The following NOTCH2 variants were observed in gnomAD, a reference collection of about 807,000 sequenced individuals.
The protein encoded by NOTCH2 is notch receptor 2.
A neutral mutation model predicts 235.8 loss-of-function variants in NOTCH2; 29 were observed. The observed-to-expected ratio is 0.12, with a 90% confidence interval of 0.09 to 0.17. The LOEUF (loss-of-function observed/expected upper bound fraction) is 0.17. Ranked by LOEUF, NOTCH2 falls within the 10% of genes least tolerant of loss-of-function variation. The pLI is 1.00. For missense variants in NOTCH2, 2,285 were observed against 3,150.2 expected (o/e 0.73, Z 6.57); for synonymous variants, 1,086 against 1,141.5 (o/e 0.95, Z 0.98).
At chr1:119,937,781 A>T in intron 20 of NOTCH2, 76 bp downstream of exon 20, 2 of 1,569,008 alleles carry the variant, frequency 1.3e-6, no homozygotes, top group Middle Eastern at 2.0e-4. Context: ...TCCACAAAAA[A>T]ATGATACCTT....
At chr1:119,928,185 C>A (rs186704054) in intron 23 of NOTCH2, among the ~76,000 whole-genome samples, 3 of 152,262 alleles carry the variant, frequency 2.0e-5, no homozygotes, top group East Asian at 1.9e-4. Flanking sequence ...TGTGATAAGA[C>A]CCCTATTCTG....
At chr1:119,958,766 G>A (rs191138424) in intron 12 of NOTCH2, among the ~76,000 whole-genome samples, 8 of 151,572 alleles carry the variant, frequency 5.3e-5, no homozygotes, top group African/African-American at 1.9e-4. Flanking sequence ...GCATGTACAC[G>A]CACATGTGTG....
At chr1:119,935,356 T>C (rs1314853195) in intron 22 of NOTCH2, 116 bp downstream of exon 22, 1 of 1,608,266 alleles carries the variant, frequency 6.2e-7, no homozygotes, top group Non-Finnish European at 8.5e-7. Flanking sequence ...AACTAAATGC[T>C]TGGAATGAAG....
chr1:119,959,936 G>A (rs1175025402), intron 11 of NOTCH2, among the ~76,000 whole-genome samples: 5 of 152,116 alleles, frequency 3.3e-5, no homozygotes, highest in East Asian at 1.9e-4. Flanking sequence ...AATAAATCTC[G>A]AACCTTGAGT....
intron 4 of NOTCH2, among the ~76,000 whole-genome samples, chr1:119,988,087 C>CTCT (rs1553202448): frequency 6.6e-6 from 1 of 152,142 alleles, no homozygotes; most frequent in African/African-American, 2.4e-5. Context: ...TAAGGTTCCT[C>CTCT]TCTCTCACTC....
chr1:120,006,380 C>T (rs1182374380), intron 2 of NOTCH2, among the ~76,000 whole-genome samples: 2 of 151,452 alleles, frequency 1.3e-5, no homozygotes, highest in Non-Finnish European at 1.5e-5. Context: ...GAATAACATT[C>T]TATGATATTT....
In NOTCH2 at chr1:120,069,652, C is replaced by G. The variant is rs1203925853; in HGVS notation, c.-246G>C. The G allele has an allele frequency of 7.3e-7, 1 of 1,364,488 alleles. No homozygotes were observed. Among genetic ancestry groups the G allele is most frequent in the Non-Finnish European group, 9.5e-7 (1 of 1,057,314 alleles). The allele number at this position is 1,364,488 out of a possible 1,614,324, so 84.5% of individuals were successfully genotyped here. ...GGCTGAAACTTTCTCGGGTGTGCAA[C>G]GAAGCAGCCTCGTGTGTCCTTCCGC... is the stretch of plus-strand genomic sequence containing the variant. On this transcript the variant is annotated 5_prime_UTR_variant, in exon 1 of 34. Transcript: ENST00000256646.
Position 119,963,616 on chromosome 1 carries a change from G to A in NOTCH2, c.1873C>T (p.Leu625=). 1.9e-6 allele frequency: 3 copies of A among 1,614,120 alleles called. No individual in the cohort carries two copies. Among genetic ancestry groups the A allele is most frequent in the Non-Finnish European group, 2.5e-6 (3 of 1,179,984 alleles). ...CAGTTGCACTGGTAGCCATTGACCA[G>A]GTCAATGCAGCGACCATCGTTCAGG... is the stretch of plus-strand genomic sequence containing the variant. The part of the protein sequence containing the change: ...PCLNDGRCID[L]VNGYQCNCQP... Residue 625 remains leucine, a synonymous_variant, in exon 11 of 34, where the codon CTG becomes TTG. Coordinates refer to ENST00000256646, the MANE Select transcript of NOTCH2 (RefSeq NM_024408.4).
intron 1 of NOTCH2, chr1:120,068,939 A>C: frequency 1.2e-6 from 1 of 833,296 alleles, no homozygotes; most frequent in Non-Finnish European, 1.8e-6. Context: ...AGAATCTGGC[A>C]TTCCTTCGCT....
chr1:120,029,150 C>T (rs1291160676), intron 2 of NOTCH2, among the ~76,000 whole-genome samples: 5 of 148,862 alleles, frequency 3.4e-5, no homozygotes, highest in African/African-American at 4.9e-5. Flanking sequence ...TCCTCTCTCA[C>T]TGTCTCACTT....
At chr1:119,933,654 CAA>C (rs1296669970) in intron 22 of NOTCH2, among the ~76,000 whole-genome samples, 1 of 152,112 alleles carries the variant, frequency 6.6e-6, no homozygotes, top group African/African-American at 2.4e-5. Flanking sequence ...AAAAGACTGT[CAA>C]TGATAATATC....
intron 5 of NOTCH2, among the ~76,000 whole-genome samples, chr1:119,986,152 T>C (rs1652010135): frequency 6.6e-6 from 1 of 152,216 alleles, no homozygotes; most frequent in Non-Finnish European, 1.5e-5. Context: ...CTACTGGTAC[T>C]GTAATTTTTT....
intron 33 of NOTCH2, among the ~76,000 whole-genome samples, 168 bp downstream of exon 33, chr1:119,917,497 T>C (rs981781981): frequency 2.0e-4 from 30 of 152,220 alleles, no homozygotes; most frequent in African/African-American, 5.5e-4. Context: ...GACACATGCC[T>C]GGACAAGCCC....
In NOTCH2 at chr1:119,941,752, G is replaced by T; in HGVS notation, c.2755C>A (p.Pro919Thr). Residue 919 changes from proline (P) to threonine (T), a missense_variant and splice_region_variant, in exon 18 of 34, where the codon CCT (proline) becomes ACT (threonine). Pro to Thr is a conservative substitution (Grantham distance 38). This residue lies in a region of NOTCH2 where 1,173 missense variants were observed against 1,515.3 expected (regional missense o/e 0.77). Transcript: ENST00000256646. ...EEDIDDCLANPCQNGGSCMDG... is the reference protein window; with the variant it reads ...EEDIDDCLANTCQNGGSCMDG... ...ATACAGGAACCTCCATTCTGGCAAG[G>T]ATCTAAGCCATTACAAAAGAATTAG... is the stretch of plus-strand genomic sequence containing the variant. 1 of 1,610,840 alleles carries T rather than the reference G, an allele frequency of 6.2e-7. No homozygotes were observed. The highest frequency in any genetic ancestry group is 1.1e-5 in the South Asian group (1 of 90,950).
intron 5 of NOTCH2, 27 bp downstream of exon 5, chr1:119,986,933 C>T (rs782760265): frequency 6.2e-7 from 1 of 1,613,242 alleles, no homozygotes; most frequent in Non-Finnish European, 8.5e-7. Flanking sequence ...ATATCCCATT[C>T]TGGTGGATTC....
At chr1:120,048,207 T>G (rs868967610) in intron 1 of NOTCH2, among the ~76,000 whole-genome samples, 3,027 of 136,362 alleles carry the variant, frequency 0.022, 1 homozygote, top group East Asian at 0.087. Flanking sequence ...ATATATCTTG[T>G]ACCAGACCTC....
intron 1 of NOTCH2, among the ~76,000 whole-genome samples, chr1:120,063,482 C>T (rs1655391902): frequency 6.6e-6 from 1 of 152,144 alleles, no homozygotes; most frequent in Non-Finnish European, 1.5e-5. Context: ...AATAAGGAGG[C>T]TTACAACAAA....
At chr1:119,960,682 T>C (rs1557822918) in intron 11 of NOTCH2, among the ~76,000 whole-genome samples, 2 of 151,758 alleles carry the variant, frequency 1.3e-5, no homozygotes, top group Non-Finnish European at 2.9e-5. Flanking sequence ...TTTTTCTTTC[T>C]TTTTTTTCAG....
chr1:119,950,252 C>T lies in NOTCH2; in HGVS notation c.2479+472G>A, dbSNP rs188945309. On this transcript the variant is annotated intron_variant, in intron 15 of 33. Transcript: ENST00000256646. The stretch of plus-strand genomic sequence containing the variant: ...ATATGACCTTGAGCAAGCAAGCTCC[C>T]TTTGCCTCAGCCTCCTCATGTGTAA... 7.9e-4 allele frequency: 282 copies of T among 355,008 alleles called. 1 individual carries two copies. Among genetic ancestry groups the T allele is most frequent in the Middle Eastern group, 6.2e-3 (6 of 966 alleles). The allele number at this position is 355,008 out of a possible 1,614,324, so 22.0% of individuals were successfully genotyped here.
Sources: allele counts gnomAD v4.1 joint callset (sites outside exome capture counted in the v4.1 genomes callset), GRCh38; gene constraint gnomAD v4.1.1; regional missense constraint gnomAD v4.1.1; transcripts MANE v1.5; gene names NCBI Gene and HGNC (gene_info 2026-07-23, HGNC 2026-07-21).